Variants in CDKN3 observed in about 807,000 individuals in gnomAD.
CDKN3 encodes cyclin-dependent kinase inhibitor 3.
Under a neutral mutation model 36.1 loss-of-function variants are expected in CDKN3, and 19 were observed. That is an observed-to-expected ratio of 0.53 (90% CI 0.37 to 0.77). The LOEUF is 0.77. Among genes scored for constraint, CDKN3 ranks in the 30% least tolerant of loss-of-function variants. CDKN3 has a pLI of 0.00. For missense variants in CDKN3, 188 were observed against 248.6 expected (o/e 0.76, Z 1.64); for synonymous variants, 71 against 85.3 (o/e 0.83, Z 0.92).
At chr14:54,419,932 G>T in intron 7 of CDKN3, 60 bp from the exon 8 acceptor site, 5 of 908,240 alleles carry the variant, frequency 5.5e-6, no homozygotes, top group Admixed American at 1.8e-5. Flanking sequence ...TGCTAATATT[G>T]TGCCCACACT....
chr14:54,419,939 C>T, intron 7 of CDKN3, 53 bp from the exon 8 acceptor site: 2 of 997,424 alleles, frequency 2.0e-6, no homozygotes, highest in Non-Finnish European at 1.6e-6. Flanking sequence ...ATTGTGCCCA[C>T]ACTGATAACT....
chr14:54,413,891 T>G, intron 5 of CDKN3: 3 of 1,252,786 alleles, frequency 2.4e-6, no homozygotes, highest in Non-Finnish European at 3.1e-6. Context: ...CAACAGAAAT[T>G]TCTTCTTTCC....
chr14:54,412,400 A>T (rs1369272506), intron 5 of CDKN3, among the ~76,000 whole-genome samples: 1 of 152,106 alleles, frequency 6.6e-6, no homozygotes, highest in Non-Finnish European at 1.5e-5. Context: ...AAAAATAAAG[A>T]AAGTCGATTT....
At position 54,411,598 on chromosome 14, in the gene CDKN3, C is replaced by G. The variant is rs1282852193; in HGVS notation, c.308C>G (p.Thr103Ser). 6.2e-7 allele frequency: 1 copy of G among 1,613,762 alleles called. No homozygotes were observed. The highest frequency in any genetic ancestry group is 1.7e-5 in the Admixed American group (1 of 60,026). Residue 103 changes from threonine (T) to serine (S), a missense_variant, in exon 5 of 8, where the codon ACC becomes AGC. Coordinates refer to ENST00000335183, the MANE Select transcript of CDKN3 (RefSeq NM_005192.4). ...LDLYQQCGIITHHHPIADGGT... is the reference protein window; with the variant it reads ...LDLYQQCGIISHHHPIADGGT... ...CTCTACCAGCAATGTGGAATTATCACCCATCATCATCCAATCGCAGATGGA... is the reference window on the plus strand; with the variant it reads ...CTCTACCAGCAATGTGGAATTATCAGCCATCATCATCCAATCGCAGATGGA...
Position 54,419,991 on chromosome 14 carries a change from GCAATA to G in CDKN3, c.557_561del (p.Tyr186LeufsTer4). On this transcript the variant is annotated frameshift_variant and splice_region_variant, in exon 8 of 8. Coordinates refer to ENST00000335183, the MANE Select transcript of CDKN3 (RefSeq NM_005192.4). LOFTEE classifies it high-confidence loss of function. Reference sequence around the variant, plus strand: ...TTCCAATGTATCTTTACTTTTTTCAGCAATACAATTATCTTCATGAGTTTCGGGAC... The same window carrying G: ...TTCCAATGTATCTTTACTTTTTTCAGCAATTATCTTCATGAGTTTCGGGAC... The G allele has an allele frequency of 6.3e-7, 1 of 1,582,764 alleles. No individual in the cohort carries two copies. Among genetic ancestry groups the G allele is most frequent in the Non-Finnish European group, 8.7e-7 (1 of 1,152,712 alleles).
chr14:54,409,499 G>T (rs1032913521), intron 4 of CDKN3, among the ~76,000 whole-genome samples: 1 of 151,948 alleles, frequency 6.6e-6, no homozygotes, highest in African/African-American at 2.4e-5. Context: ...AAAACTTTTC[G>T]TGGTTATTCT....
At chr14:54,400,141 C>T (rs2029889476) in intron 2 of CDKN3, among the ~76,000 whole-genome samples, 165 bp downstream of exon 2, 1 of 150,880 alleles carries the variant, frequency 6.6e-6, no homozygotes, top group Admixed American at 6.6e-5. Context: ...GATCTTCTAA[C>T]TCCATGATTC....
In CDKN3 at chr14:54,408,809, A is replaced by G; in HGVS notation, c.193+20A>G. On this transcript the variant is annotated intron_variant, in intron 4 of 7. Coordinates refer to ENST00000335183, the MANE Select transcript of CDKN3 (RefSeq NM_005192.4). ...ATACAGGTAGGTATAATATCACGCA[A>G]CCACACTCATGGGTTTTTTAAATGA... is the stretch of plus-strand genomic sequence containing the variant. 1 of 1,549,476 alleles carries G rather than the reference A, an allele frequency of 6.5e-7. No individual in the cohort carries two copies. The highest frequency in any genetic ancestry group is 8.6e-7 in the Non-Finnish European group (1 of 1,156,260).
intron 6 of CDKN3, among the ~76,000 whole-genome samples, chr14:54,417,143 A>G (rs1292845513): frequency 1.3e-5 from 2 of 152,260 alleles, no homozygotes; most frequent in Non-Finnish European, 1.5e-5. Context: ...ACAAGTAAAC[A>G]TTAACATATG....
intron 3 of CDKN3, among the ~76,000 whole-genome samples, chr14:54,405,741 G>A (rs1025888540): frequency 4.6e-5 from 7 of 152,060 alleles, no homozygotes; most frequent in African/African-American, 1.2e-4. Context: ...GTCTCTGCAC[G>A]TGAGATGGGT....
In CDKN3 at chr14:54,399,935, A is replaced by G. The variant is rs138376282; in HGVS notation, c.51A>G (p.Glu17=). ...CAAGTGAGTTTGACTCATCAGATGA[A>G]GAGCCTATTGAAGATGAACAGACTC... ...IQTSEFDSSD[E]EPIEDEQTPI... The change falls in exon 2 of 8, where the codon GAA becomes GAG. Residue 17 remains glutamate, a synonymous_variant. Coordinates refer to ENST00000335183, the MANE Select transcript of CDKN3 (RefSeq NM_005192.4). 1,091 of 1,579,462 alleles carry G rather than the reference A, an allele frequency of 6.9e-4. 8 individuals carry two copies. Among genetic ancestry groups the G allele is most frequent in the Non-Finnish European group, 1.7e-4 (191 of 1,148,724 alleles).
intron 1 of CDKN3, among the ~76,000 whole-genome samples, chr14:54,399,134 T>G (rs1886402615): frequency 6.6e-6 from 1 of 151,900 alleles, no homozygotes; most frequent in Non-Finnish European, 1.5e-5. Flanking sequence ...TACAGGCATG[T>G]GCCACCATGC....
In CDKN3 at chr14:54,401,595, A is replaced by G; in HGVS notation, c.148+16A>G. ...GCTCTTCCAGGTGGGTAACACAATAATGGGCTTCCTATCAATATGTATATA... is the reference window on the plus strand; with the variant it reads ...GCTCTTCCAGGTGGGTAACACAATAGTGGGCTTCCTATCAATATGTATATA... On this transcript the variant is annotated intron_variant, in intron 3 of 7. Transcript: ENST00000335183. The G allele has an allele frequency of 1.3e-6, 2 of 1,542,246 alleles. No individual in the cohort carries two copies.
chr14:54,406,036 G>C (rs2030143615), intron 3 of CDKN3, among the ~76,000 whole-genome samples: 1 of 152,204 alleles, frequency 6.6e-6, no homozygotes, highest in Non-Finnish European at 1.5e-5. Context: ...AGGCCTGGTG[G>C]GGACAAAATC....
At chr14:54,416,883 C>T (rs1327244574) in intron 6 of CDKN3, among the ~76,000 whole-genome samples, 1 of 152,060 alleles carries the variant, frequency 6.6e-6, no homozygotes, top group East Asian at 1.9e-4. Context: ...CCGAATAAAC[C>T]TTTCTACATG....
At chr14:54,399,779 T>C (rs928341952) in intron 1 of CDKN3, 115 bp from the exon 2 acceptor site, 1 of 688,662 alleles carries the variant, frequency 1.5e-6, no homozygotes, top group Non-Finnish European at 2.7e-6. Flanking sequence ...ATATTCTGGA[T>C]TGATGGCTGA....
At chr14:54,402,110 A>T (rs2029967393) in intron 3 of CDKN3, among the ~76,000 whole-genome samples, 1 of 151,108 alleles carries the variant, frequency 6.6e-6, no homozygotes, top group African/African-American at 2.4e-5. Flanking sequence ...TGGGAGGCTG[A>T]GGTAGGAGAA....
chr14:54,403,206 T>A (rs1317082909), intron 3 of CDKN3, among the ~76,000 whole-genome samples: 1 of 152,242 alleles, frequency 6.6e-6, no homozygotes, highest in Non-Finnish European at 1.5e-5. Flanking sequence ...TCCATTTGTT[T>A]GTGTCCTCTC....
chr14:54,398,114 G>A (rs191225424), intron 1 of CDKN3, among the ~76,000 whole-genome samples: 1 of 152,300 alleles, frequency 6.6e-6, no homozygotes, highest in Non-Finnish European at 1.5e-5. Context: ...CTGGGCGACA[G>A]AGCAAAACCC....
Sources: allele counts gnomAD v4.1 joint callset (sites outside exome capture counted in the v4.1 genomes callset), GRCh38; gene constraint gnomAD v4.1.1; transcripts MANE v1.5; gene names NCBI Gene and HGNC (gene_info 2026-07-23, HGNC 2026-07-21).